Variants in SYT9 observed in about 807,000 individuals in gnomAD.
SYT9 encodes the protein synaptotagmin 9, also known as synaptotagmin-9.
In SYT9, 22 loss-of-function variants were observed where a neutral mutation model predicts 48.4. The observed-to-expected ratio is 0.45, with a 90% CI of 0.32 to 0.65. The LOEUF (loss-of-function observed/expected upper bound fraction) is 0.65, where lower values mean the gene tolerates loss of function less well. SYT9 is among the 30% of genes least tolerant of loss of function. The probability of loss-of-function intolerance (pLI) is 0.03; values close to 1 mark genes in which losing one functional copy is unlikely to be tolerated. For missense variants in SYT9, 577 were observed against 622.0 expected, an observed-to-expected ratio of 0.93 and a Z score of 0.77; for synonymous variants, 265 against 245.0, an observed-to-expected ratio of 1.08 and a Z score of -0.76.
chr11:7,466,421 A>C (rs1206951404), intron 6 of SYT9, among the ~76,000 whole-genome samples: 4 of 152,168 alleles, frequency 2.6e-5, no homozygotes. Context: ...TGTTTGGTGC[A>C]CATTAAAAAT....
At chr11:7,338,607 C>T (rs1255124107) in intron 3 of SYT9, among the ~76,000 whole-genome samples, 1 of 151,850 alleles carries the variant, frequency 6.6e-6, no homozygotes, top group South Asian at 2.1e-4. Context: ...CATTATTTAC[C>T]CCAAAGTCAT....
At chr11:7,299,753 G>C (rs1848883790) in intron 1 of SYT9, among the ~76,000 whole-genome samples, 1 of 152,150 alleles carries the variant, frequency 6.6e-6, no homozygotes, top group Non-Finnish European at 1.5e-5. Context: ...TGCTCTTCTG[G>C]ATCCCCCACG....
intron 1 of SYT9, among the ~76,000 whole-genome samples, chr11:7,269,286 A>G (rs1848252737): frequency 6.6e-6 from 1 of 152,028 alleles, no homozygotes; most frequent in Non-Finnish European, 1.5e-5. Context: ...AAAAAACATT[A>G]TATGCCTGCT....
intron 1 of SYT9, among the ~76,000 whole-genome samples, chr11:7,276,019 T>A (rs1026735936): frequency 1.3e-5 from 2 of 152,182 alleles, no homozygotes; most frequent in Non-Finnish European, 2.9e-5. Flanking sequence ...TGTTCACTAT[T>A]ATGTTTGAGC....
chr11:7,422,675 A>G (rs1847376936), intron 6 of SYT9, among the ~76,000 whole-genome samples: 1 of 152,210 alleles, frequency 6.6e-6, no homozygotes, highest in African/African-American at 2.4e-5. Flanking sequence ...AAGAAATGAG[A>G]AAGGAGTAAG....
intron 3 of SYT9, among the ~76,000 whole-genome samples, chr11:7,387,394 T>C (rs1257705649): frequency 6.6e-6 from 1 of 152,148 alleles, no homozygotes; most frequent in Non-Finnish European, 1.5e-5. Flanking sequence ...AAAGGCAATT[T>C]ATTTTTGTTT....
intron 2 of SYT9, among the ~76,000 whole-genome samples, chr11:7,306,807 A>G (rs979773017): frequency 5.9e-5 from 9 of 152,194 alleles, no homozygotes; most frequent in African/African-American, 1.9e-4. Flanking sequence ...CACAGGATTA[A>G]ATTATTTTAA....
At chr11:7,277,933 T>C (rs569713752) in intron 1 of SYT9, among the ~76,000 whole-genome samples, 1 of 152,370 alleles carries the variant, frequency 6.6e-6, no homozygotes, top group African/African-American at 2.4e-5. Flanking sequence ...TGTGCCAGTC[T>C]GTTTTCTGTT....
intron 1 of SYT9, among the ~76,000 whole-genome samples, chr11:7,294,030 C>T (rs925957236): frequency 6.6e-6 from 1 of 152,200 alleles, no homozygotes; most frequent in Non-Finnish European, 1.5e-5. Context: ...AATTATTTCT[C>T]ACAGTTCTGG....
chr11:7,372,881 C>T (rs74051157), intron 3 of SYT9, among the ~76,000 whole-genome samples: 5,288 of 151,946 alleles, frequency 0.035, 332 homozygotes, highest in African/African-American at 0.12. Flanking sequence ...TGGTGACAGC[C>T]GATACTGATC....
intron 3 of SYT9, among the ~76,000 whole-genome samples, chr11:7,384,837 A>G (rs1589987955): frequency 6.6e-6 from 1 of 151,760 alleles, no homozygotes; most frequent in Admixed American, 6.6e-5. Context: ...TTCTCACTAT[A>G]CTCCAGCTAC....
chr11:7,260,881 C>T (rs1848065874), intron 1 of SYT9, among the ~76,000 whole-genome samples: 2 of 152,224 alleles, frequency 1.3e-5, no homozygotes, highest in Admixed American at 1.3e-4. Context: ...ACTATGCCAA[C>T]AGTGACATCT....
chr11:7,258,441 T>C (rs1848016174), intron 1 of SYT9, among the ~76,000 whole-genome samples: 1 of 152,182 alleles, frequency 6.6e-6, no homozygotes, highest in Admixed American at 6.5e-5. Context: ...GGAAGGGCTT[T>C]AGACCACATC....
chr11:7,243,262 G>T, intron 1 of SYT9, among the ~76,000 whole-genome samples: 1 of 152,128 alleles, frequency 6.6e-6, no homozygotes, highest in Admixed American at 6.5e-5. Context: ...CAACATGAAA[G>T]TTGTATCAAA....
intron 3 of SYT9, among the ~76,000 whole-genome samples, chr11:7,331,896 T>C (rs753098197): frequency 1.3e-5 from 2 of 152,226 alleles, no homozygotes; most frequent in Non-Finnish European, 2.9e-5. Context: ...CACACTAGAA[T>C]AGTTGATCCT....
intron 3 of SYT9, among the ~76,000 whole-genome samples, chr11:7,367,072 CTTTTTT>C (rs35502843): frequency 1.9e-4 from 10 of 53,262 alleles, no homozygotes; most frequent in African/African-American, 3.2e-4. Context: ...AGGAGACCAT[CTTTTTT>C]TTTTTTTTTT....
At chr11:7,358,575 G>A (rs942116071) in intron 3 of SYT9, among the ~76,000 whole-genome samples, 1 of 152,114 alleles carries the variant, frequency 6.6e-6, no homozygotes, top group African/African-American at 2.4e-5. Context: ...GATGTCTTTG[G>A]TGAATGTTTG....
chr11:7,289,672 G>T (rs1308391482), intron 1 of SYT9, among the ~76,000 whole-genome samples: 3 of 152,126 alleles, frequency 2.0e-5, no homozygotes, highest in Non-Finnish European at 2.9e-5. Context: ...TTTTTGAAAA[G>T]AATTGGTATT....
At chr11:7,397,631 T>C (rs377212531) in intron 3 of SYT9, among the ~76,000 whole-genome samples, 1 of 152,180 alleles carries the variant, frequency 6.6e-6, no homozygotes, top group African/African-American at 2.4e-5. Flanking sequence ...CTTAGCTATG[T>C]TGAGTATCCC....
Sources: gnomAD v4.1 joint callset for allele counts (sites outside exome capture counted in the v4.1 genomes callset) on GRCh38, gnomAD v4.1.1 for gene constraint, MANE v1.5 for transcripts, NCBI Gene and HGNC (gene_info 2026-07-23, HGNC 2026-07-21) for gene names.